TTC29: variants seen among roughly 807,000 people sequenced by gnomAD.
TTC29 encodes tetratricopeptide repeat domain 29, also known as tetratricopeptide repeat protein 29.
A neutral mutation model predicts 58.1 loss-of-function variants in TTC29; 49 were observed. The ratio of observed to expected loss-of-function variants is 0.84; its 90% confidence interval spans 0.67 to 1.07. TTC29 has a LOEUF of 1.07. Among genes scored for constraint, TTC29 ranks in the 50% least tolerant of loss-of-function variants. TTC29 has a pLI of 0.00. For missense variants in TTC29, 582 were observed against 555.6 expected (o/e 1.05, Z -0.48); for synonymous variants, 209 against 196.8 (o/e 1.06, Z -0.52).
intron 11 of TTC29, among the ~76,000 whole-genome samples, chr4:146,787,990 T>C (rs564219621): frequency 2.0e-5 from 3 of 152,246 alleles, no homozygotes. Context: ...GGGTACAGCA[T>C]GCTGCCTACG....
At chr4:146,907,498 TTTTG>T (rs1733599765) in intron 5 of TTC29, among the ~76,000 whole-genome samples, 1 of 152,024 alleles carries the variant, frequency 6.6e-6, no homozygotes, top group Non-Finnish European at 1.5e-5. Context: ...TTTTGTTTTG[TTTTG>T]TTTGTTTTGT....
chr4:146,741,627 A>G (rs1745158327), intron 11 of TTC29, among the ~76,000 whole-genome samples: 1 of 151,946 alleles, frequency 6.6e-6, no homozygotes, highest in African/African-American at 2.4e-5. Flanking sequence ...TCTTATCTCC[A>G]GTTCCTCCTC....
At chr4:146,763,181 T>C (rs1027249341) in intron 11 of TTC29, among the ~76,000 whole-genome samples, 2 of 152,114 alleles carry the variant, frequency 1.3e-5, no homozygotes, top group Non-Finnish European at 2.9e-5. Flanking sequence ...TTGCTTGTAC[T>C]ATGCTTCTGA....
chr4:146,903,949 T>C (rs574722285), intron 5 of TTC29, among the ~76,000 whole-genome samples: 3 of 152,192 alleles, frequency 2.0e-5, no homozygotes, highest in Non-Finnish European at 4.4e-5. Context: ...AAAGGCTTTC[T>C]GAAAACTTAG....
intron 4 of TTC29, among the ~76,000 whole-genome samples, chr4:146,909,882 G>C (rs377627465): frequency 1.3e-5 from 2 of 152,034 alleles, no homozygotes; most frequent in East Asian, 3.9e-4. Context: ...TAAGTGCCAG[G>C]CGCTGTTCTA....
chr4:146,911,558 G>T (rs899178867), intron 4 of TTC29, among the ~76,000 whole-genome samples: 1 of 152,188 alleles, frequency 6.6e-6, no homozygotes. Flanking sequence ...GTGAAAAATG[G>T]AGGTTTCTAA....
intron 11 of TTC29, among the ~76,000 whole-genome samples, chr4:146,773,071 G>T (rs572678461): frequency 4.6e-5 from 7 of 152,112 alleles, no homozygotes; most frequent in Admixed American, 2.6e-4. Flanking sequence ...ATTGATTTTT[G>T]TATCCTGAAA....
In TTC29 at chr4:146,937,609, T is replaced by C; in HGVS notation, c.161A>G (p.Lys54Arg). ...YLEVNFKGLSKEEVAAYRNSY... is the reference protein window; with the variant it reads ...YLEVNFKGLSREEVAAYRNSY... ...TTGTACTTACGCAGCAACTTCCTCT[T>C]TTGATAATCCTTTGAAATTTACCTC... The change falls in exon 4 of 13, where the codon AAA becomes AGA. Residue 54 changes from lysine to arginine, a missense_variant. Transcript: ENST00000325106. The C allele has an allele frequency of 6.5e-7, 1 of 1,534,118 alleles. No individual in the cohort carries two copies. Among genetic ancestry groups the C allele is most frequent in the East Asian group, 2.4e-5 (1 of 41,358 alleles).
At chr4:146,894,218 G>T (rs1411622944) in intron 6 of TTC29, among the ~76,000 whole-genome samples, 1 of 152,066 alleles carries the variant, frequency 6.6e-6, no homozygotes, top group Non-Finnish European at 1.5e-5. Flanking sequence ...CTGCTATAAA[G>T]ACACATGCAC....
chr4:146,826,434 G>GC (rs1561164109), intron 9 of TTC29, among the ~76,000 whole-genome samples: 3 of 152,150 alleles, frequency 2.0e-5, no homozygotes, highest in African/African-American at 7.2e-5. Flanking sequence ...TTGAATATTG[G>GC]CCCCCAATCT....
Position 146,849,570 on chromosome 4 carries a change from A to AT in TTC29, c.886-15674dup, listed in dbSNP as rs568706568. Among the ~76,000 whole-genome samples the AT allele has an allele frequency of 2.3e-3, 347 of 152,016 alleles. 1 individual carries two copies. Among genetic ancestry groups the AT allele is most frequent in the Middle Eastern group, 6.8e-3 (2 of 294 alleles). The stretch of plus-strand genomic sequence containing the variant: ...ACAGTGTTGCCTATTAGCAGCTGCT[A>AT]TTTTTTCATCATGAAGATCAATGAT... On this transcript the variant is annotated intron_variant, in intron 8 of 12. Transcript: ENST00000325106.
At chr4:146,912,049 A>G (rs1733932914) in intron 4 of TTC29, among the ~76,000 whole-genome samples, 1 of 152,224 alleles carries the variant, frequency 6.6e-6, no homozygotes, top group African/African-American at 2.4e-5. Flanking sequence ...ACATTGGAAG[A>G]AGAATTGCCT....
chr4:146,861,106 TC>T (rs1377674128), intron 8 of TTC29, among the ~76,000 whole-genome samples: 4 of 152,158 alleles, frequency 2.6e-5, no homozygotes. Context: ...AAGTTGGTGT[TC>T]CTAGAATCAT....
At chr4:146,899,869 C>T (rs1733023378) in intron 6 of TTC29, among the ~76,000 whole-genome samples, 2 of 152,210 alleles carry the variant, frequency 1.3e-5, no homozygotes, top group Non-Finnish European at 2.9e-5. Flanking sequence ...TAATGTCCCA[C>T]TTTAGCATGA....
intron 7 of TTC29, among the ~76,000 whole-genome samples, chr4:146,870,284 T>C (rs955837468): frequency 5.9e-5 from 9 of 151,722 alleles, no homozygotes; most frequent in African/African-American, 2.2e-4. Context: ...GAACACAAGG[T>C]AAACCAAAAA....
intron 8 of TTC29, among the ~76,000 whole-genome samples, chr4:146,844,642 C>G (rs1729054511): frequency 6.6e-6 from 1 of 152,052 alleles, no homozygotes; most frequent in Admixed American, 6.6e-5. Flanking sequence ...TGGCCTCTCA[C>G]AGTGCTGGAA....
chr4:146,884,458 A>AG (rs1444986876), intron 6 of TTC29, among the ~76,000 whole-genome samples: 1 of 152,092 alleles, frequency 6.6e-6, no homozygotes, highest in African/African-American at 2.4e-5. Flanking sequence ...AGGGTATATT[A>AG]CAATCATCAA....
At chr4:146,737,708 A>T (rs899119298) in intron 11 of TTC29, among the ~76,000 whole-genome samples, 1 of 152,046 alleles carries the variant, frequency 6.6e-6, no homozygotes, top group Non-Finnish European at 1.5e-5. Flanking sequence ...ACCCCAGAAG[A>T]TATTGCATGG....
At chr4:146,802,767 A>T (rs1167927994) in intron 11 of TTC29, among the ~76,000 whole-genome samples, 1 of 152,184 alleles carries the variant, frequency 6.6e-6, no homozygotes, top group African/African-American at 2.4e-5. Flanking sequence ...AAATAAAAGA[A>T]CTCTAAAGGC....
Sources: gnomAD v4.1 joint callset for allele counts (sites outside exome capture counted in the v4.1 genomes callset) on GRCh38, gnomAD v4.1.1 for gene constraint, MANE v1.5 for transcripts, NCBI Gene and HGNC (gene_info 2026-07-23, HGNC 2026-07-21) for gene names.